ARHGAP10: variants seen among roughly 807,000 people sequenced by gnomAD.
ARHGAP10 encodes the protein rho GTPase-activating protein 10.
Under a neutral mutation model 108.6 loss-of-function variants are expected in ARHGAP10, and 87 were observed. The ratio of observed to expected loss-of-function variants is 0.80; its 90% confidence interval spans 0.67 to 0.96. The LOEUF (loss-of-function observed/expected upper bound fraction) is 0.96. Ranked by LOEUF, ARHGAP10 falls within the 40% of genes least tolerant of loss-of-function variation. ARHGAP10 has a pLI of 0.00. For missense variants in ARHGAP10, 939 were observed against 954.5 expected (o/e 0.98, Z 0.21); for synonymous variants, 347 against 341.1 (o/e 1.02, Z -0.19).
intron 7 of ARHGAP10, among the ~76,000 whole-genome samples, chr4:147,873,966 C>A (rs967865068): frequency 6.6e-6 from 1 of 151,518 alleles, no homozygotes; most frequent in African/African-American, 2.4e-5. Flanking sequence ...ACTTTCTTTG[C>A]GGGCTTACAC....
chr4:147,738,968 A>T (rs1391039757), intron 1 of ARHGAP10, among the ~76,000 whole-genome samples: 1 of 151,838 alleles, frequency 6.6e-6, no homozygotes, highest in Non-Finnish European at 1.5e-5. Context: ...GGATCACTTG[A>T]GGTTAGGAGC....
intron 1 of ARHGAP10, among the ~76,000 whole-genome samples, chr4:147,798,240 CA>C (rs1241477105): frequency 1.3e-5 from 2 of 151,974 alleles, no homozygotes; most frequent in Non-Finnish European, 2.9e-5. Flanking sequence ...CTGATCATGG[CA>C]GCCCAAAATA....
At chr4:147,840,255 T>C (rs1013622518) in intron 3 of ARHGAP10, among the ~76,000 whole-genome samples, 2 of 152,128 alleles carry the variant, frequency 1.3e-5, no homozygotes, top group Non-Finnish European at 2.9e-5. Flanking sequence ...TCTGCTACTC[T>C]GCAGCTTCTA....
chr4:147,900,360 T>C (rs1245354061), intron 10 of ARHGAP10, among the ~76,000 whole-genome samples: 6 of 152,240 alleles, frequency 3.9e-5, no homozygotes, highest in African/African-American at 2.4e-5. Context: ...TTGTTTAATA[T>C]TGTTTCTTCA....
chr4:147,832,419 T>C (rs7670230), intron 3 of ARHGAP10, among the ~76,000 whole-genome samples: 129,877 of 150,754 alleles, frequency 0.86, 58,303 homozygotes, highest in Non-Finnish European at 0.99. Flanking sequence ...GAGGCCGAGG[T>C]GGGTGGATCT....
At chr4:147,987,978 A>G (rs1306995344) in intron 18 of ARHGAP10, among the ~76,000 whole-genome samples, 1 of 152,258 alleles carries the variant, frequency 6.6e-6, no homozygotes, top group Admixed American at 6.5e-5. Flanking sequence ...CAACCAAATC[A>G]TCTCTCCAGC....
At chr4:147,880,461 C>T (rs760740337) in intron 9 of ARHGAP10, among the ~76,000 whole-genome samples, 3 of 152,118 alleles carry the variant, frequency 2.0e-5, no homozygotes, top group Non-Finnish European at 4.4e-5. Flanking sequence ...GACTGAGTTT[C>T]CTGTCAGAGC....
chr4:147,972,646 G>A (rs1485633339), intron 18 of ARHGAP10, among the ~76,000 whole-genome samples: 3 of 152,182 alleles, frequency 2.0e-5, no homozygotes, highest in African/African-American at 7.2e-5. Flanking sequence ...GGTTGTCTAG[G>A]GCCTTGTCAA....
rs181487935 is a variant in ARHGAP10, at chr4:147,754,766, C to A, written c.154+22311C>A. Among the ~76,000 whole-genome samples, 15 of 152,148 alleles carry A rather than the reference C, an allele frequency of 9.9e-5. No homozygotes were observed. In the South Asian group the frequency reaches 1.9e-3, roughly 19 times the overall value. ...GATTTTGCTACATAAGTTGTACATT[C>A]TTCTGTTAGAATTATAATGAAGTCC... On this transcript the variant is annotated intron_variant, in intron 1 of 22. Coordinates refer to ENST00000336498, the MANE Select transcript of ARHGAP10 (RefSeq NM_024605.4).
intron 5 of ARHGAP10, chr4:147,862,779 A>G (rs546079730): frequency 6.6e-6 from 1 of 152,338 alleles, no homozygotes; most frequent in East Asian, 1.9e-4. Flanking sequence ...GCTGGTATAA[A>G]TTTCTTCAAG....
intron 3 of ARHGAP10, among the ~76,000 whole-genome samples, chr4:147,835,993 A>G (rs1247846919): frequency 1.3e-5 from 2 of 152,220 alleles, no homozygotes; most frequent in Non-Finnish European, 2.9e-5. Flanking sequence ...TTCCTTAAAT[A>G]CTCAGTAGCT....
intron 18 of ARHGAP10, among the ~76,000 whole-genome samples, chr4:148,002,277 T>G (rs1179251509): frequency 6.6e-6 from 1 of 152,208 alleles, no homozygotes; most frequent in Non-Finnish European, 1.5e-5. Flanking sequence ...TTGATCATGG[T>G]GGATAAGCTT....
chr4:147,997,045 G>C (rs1740504105), intron 18 of ARHGAP10, among the ~76,000 whole-genome samples: 1 of 152,188 alleles, frequency 6.6e-6, no homozygotes, highest in Non-Finnish European at 1.5e-5. Flanking sequence ...TCTCTCATGT[G>C]ACAGAACACT....
At position 147,780,510 on chromosome 4, in the gene ARHGAP10, C is replaced by T. The variant is rs569393423; in HGVS notation, c.155-42217C>T. On this transcript the variant is annotated intron_variant, in intron 1 of 22. Transcript: ENST00000336498. ...TGAAATGCTGTGCTCAGCTTGGTCT[C>T]ATTTGCGTGTCTTTTTGAGACTTTA... is the stretch of plus-strand genomic sequence containing the variant. Among the ~76,000 whole-genome samples the T allele has an allele frequency of 2.0e-5, 3 of 151,906 alleles. No individual in the cohort carries two copies. The South Asian group carries it at 6.3e-4, about 32-fold the overall frequency.
chr4:147,911,449 G>A (rs1262159732), intron 12 of ARHGAP10, among the ~76,000 whole-genome samples: 1 of 152,134 alleles, frequency 6.6e-6, no homozygotes, highest in East Asian at 1.9e-4. Context: ...TGCAAGCTCC[G>A]CCTCCCGGGT....
In ARHGAP10 at chr4:148,022,254, AT is replaced by A. The variant is rs566137389; in HGVS notation, c.1717-1008del. ...TACATGTGCCATGGTGGTTTGCTGC[AT>A]CCATCAACCCGCCCTCTAGGATTTA... is the stretch of plus-strand genomic sequence containing the variant. On this transcript the variant is annotated intron_variant, in intron 18 of 22. Coordinates refer to ENST00000336498, the MANE Select transcript of ARHGAP10 (RefSeq NM_024605.4). Among the ~76,000 whole-genome samples, 27 of 152,346 alleles carry A rather than the reference AT, an allele frequency of 1.8e-4. No homozygotes were observed. The South Asian group carries it at 5.6e-3, about 32-fold the overall frequency.
chr4:148,023,311 T>G lies in ARHGAP10; in HGVS notation c.1765T>G (p.Ser589Ala). Reference sequence around the variant, plus strand: ...TACATTCCCTGAGCCCACCTGCCTGTCAGCATCACCCCCAAATGCGCCACC... The same window carrying G: ...TACATTCCCTGAGCCCACCTGCCTGGCAGCATCACCCCCAAATGCGCCACC... ...DTTFPEPTCL[S>A]ASPPNAPPRQ... Residue 589 changes from serine to alanine, a missense_variant, in exon 19 of 23, where the codon TCA becomes GCA. Physicochemically the swap from Ser to Ala is moderately conservative, Grantham distance 99 (BLOSUM62 1). Coordinates refer to ENST00000336498, the MANE Select transcript of ARHGAP10 (RefSeq NM_024605.4). 6.2e-7 allele frequency: 1 copy of G among 1,614,182 alleles called. No homozygotes were observed. Among genetic ancestry groups the G allele is most frequent in the South Asian group, 1.1e-5 (1 of 91,074 alleles).
chr4:147,829,464 C>G (rs1043110124), intron 3 of ARHGAP10, among the ~76,000 whole-genome samples: 2 of 152,152 alleles, frequency 1.3e-5, no homozygotes, highest in African/African-American at 4.8e-5. Context: ...GCTGGGATTA[C>G]AGATGTGAGC....
At chr4:147,789,046 G>A (rs1731008075) in intron 1 of ARHGAP10, among the ~76,000 whole-genome samples, 2 of 152,336 alleles carry the variant, frequency 1.3e-5, no homozygotes, top group African/African-American at 4.8e-5. Context: ...ACTGAAAACT[G>A]CAAGGTGGTG....
Sources: allele counts gnomAD v4.1 joint callset (sites outside exome capture counted in the v4.1 genomes callset), GRCh38; gene constraint gnomAD v4.1.1; transcripts MANE v1.5; gene names NCBI Gene and HGNC (gene_info 2026-07-23, HGNC 2026-07-21).